ARHGEF10: variants seen among roughly 807,000 people sequenced by gnomAD.
ARHGEF10 encodes the protein Rho guanine nucleotide exchange factor 10, also known as Rho guanine nucleotide exchange factor (GEF) 10.
A neutral mutation model predicts 147.4 loss-of-function variants in ARHGEF10; 140 were observed. That is an observed-to-expected ratio of 0.95 (90% CI 0.83 to 1.09). ARHGEF10 has a LOEUF of 1.09. Ranked by LOEUF, ARHGEF10 falls within the 50% of genes least tolerant of loss-of-function variation. The pLI, the probability that ARHGEF10 is intolerant of heterozygous loss-of-function variation, is 0.00. For synonymous variants in ARHGEF10, 902 were observed against 695.8 expected (o/e 1.30, Z -4.67); for missense variants, 2,222 against 1,752.7 (o/e 1.27, Z -4.78).
At chr8:1,945,813 T>C in intron 27 of ARHGEF10, 158 bp downstream of exon 27, 1 of 1,143,372 alleles carries the variant, frequency 8.7e-7, no homozygotes, top group Non-Finnish European at 1.3e-6. Context: ...GGGACAGACG[T>C]GGGAGTACGG....
At chr8:1,855,558 C>CTT (rs545496176) in intron 2 of ARHGEF10, among the ~76,000 whole-genome samples, 2 of 144,908 alleles carry the variant, frequency 1.4e-5, no homozygotes, top group East Asian at 2.0e-4. Flanking sequence ...ATTTTTGTAC[C>CTT]TTTTTTTTTT....
intron 28 of ARHGEF10, among the ~76,000 whole-genome samples, chr8:1,953,970 C>T (rs544369717): frequency 6.6e-6 from 1 of 152,336 alleles, no homozygotes; most frequent in Non-Finnish European, 1.5e-5. Flanking sequence ...TTGGCAGGTC[C>T]ACCCACAAGG....
chr8:1,896,582 C>T, intron 14 of ARHGEF10, 133 bp downstream of exon 14: 1 of 740,260 alleles, frequency 1.4e-6, no homozygotes, highest in Non-Finnish European at 2.3e-6. Context: ...TGGATTAATG[C>T]TAGAAATGAA....
rs1321561645 is a variant in ARHGEF10 at position 1,945,614 on chromosome 8, A to G, written c.3356A>G (p.Gln1119Arg). 2 of 1,614,262 alleles carry G rather than the reference A, an allele frequency of 1.2e-6. No homozygotes were observed. The highest frequency in any genetic ancestry group is 1.7e-5 in the Admixed American group (1 of 60,034). The change falls in exon 27 of 29, where the codon CAG becomes CGG. Residue 1119 changes from glutamine (Q) to arginine (R), a missense_variant. Coordinates refer to ENST00000349830, the MANE Select transcript of ARHGEF10 (RefSeq NM_014629.4). Reference protein sequence around the residue: ...LFHTETLKHLQDINIATPVHN... With the variant: ...LFHTETLKHLRDINIATPVHN... Reference sequence around the variant, plus strand: ...CACACGGAAACTCTCAAGCACCTGCAGGACATCAACATCGCCACCCCTGTT... The same window carrying G: ...CACACGGAAACTCTCAAGCACCTGCGGGACATCAACATCGCCACCCCTGTT...
intron 2 of ARHGEF10, among the ~76,000 whole-genome samples, chr8:1,850,737 C>G (rs1452145843): frequency 6.6e-6 from 1 of 152,178 alleles, no homozygotes; most frequent in Non-Finnish European, 1.5e-5. Context: ...CCACTCAATA[C>G]CTGCCCATAT....
intron 26 of ARHGEF10, among the ~76,000 whole-genome samples, chr8:1,938,592 T>C (rs921857903): frequency 1.3e-5 from 2 of 152,184 alleles, no homozygotes; most frequent in Non-Finnish European, 2.9e-5. Context: ...GCGTTTTTTT[T>C]CTCATAGGAA....
At chr8:1,865,442 A>G (rs1357718554) in intron 5 of ARHGEF10, among the ~76,000 whole-genome samples, 2 of 149,936 alleles carry the variant, frequency 1.3e-5, no homozygotes, top group East Asian at 4.0e-4. Context: ...CCAGGGGGCC[A>G]TCACCAGGGC....
intron 26 of ARHGEF10, among the ~76,000 whole-genome samples, chr8:1,936,652 C>A (rs1296799041): frequency 6.6e-6 from 1 of 152,194 alleles, no homozygotes; most frequent in Non-Finnish European, 1.5e-5. Context: ...GAAATGTTAT[C>A]ATTAAGAGCT....
intron 18 of ARHGEF10, among the ~76,000 whole-genome samples, chr8:1,917,370 G>A (rs935035870): frequency 4.6e-5 from 7 of 152,296 alleles, no homozygotes; most frequent in African/African-American, 7.2e-5. Context: ...TGGCTCTGAC[G>A]TCTCGGTCTC....
intron 1 of ARHGEF10, among the ~76,000 whole-genome samples, chr8:1,840,211 A>G (rs1161441164): frequency 1.4e-4 from 10 of 72,748 alleles, no homozygotes; most frequent in South Asian, 5.8e-4. Context: ...GCTGTCCGAT[A>G]TGGGGACTGT....
chr8:1,903,733 A>G, intron 16 of ARHGEF10: 1 of 505,402 alleles, frequency 2.0e-6, no homozygotes, highest in South Asian at 2.2e-5. Context: ...GTTAAGAGCA[A>G]CTCCTTTAGC....
intron 1 of ARHGEF10, among the ~76,000 whole-genome samples, chr8:1,842,793 GGAA>G (rs1804195614): frequency 6.6e-6 from 1 of 152,234 alleles, no homozygotes; most frequent in African/African-American, 2.4e-5. Context: ...AAGCAGGGAG[GGAA>G]ACACGAAGTG....
At chr8:1,857,786 A>G (rs913590192) in intron 2 of ARHGEF10, among the ~76,000 whole-genome samples, 174 bp from the exon 3 acceptor site, 1 of 152,050 alleles carries the variant, frequency 6.6e-6, no homozygotes, top group Non-Finnish European at 1.5e-5. Context: ...CAGAATTCTA[A>G]TGATACTTAT....
At chr8:1,882,114 C>G (rs1430384511) in intron 9 of ARHGEF10, among the ~76,000 whole-genome samples, 3 of 152,168 alleles carry the variant, frequency 2.0e-5, no homozygotes, top group Non-Finnish European at 4.4e-5. Context: ...AGGTGTGTCC[C>G]GTGCGTGTCT....
chr8:1,955,356 T>TGGGTAGCTAGGTGCATCCTGAAAGGA (rs1815449766), intron 28 of ARHGEF10, among the ~76,000 whole-genome samples: 1 of 138,164 alleles, frequency 7.2e-6, no homozygotes, highest in African/African-American at 2.7e-5. Flanking sequence ...TTTCTCTGGA[T>TGGGTAGCTAGGTGCATCCTGAAAGGA]GGGTAGCTAG....
At chr8:1,895,905 C>T (rs568117981) in intron 13 of ARHGEF10, among the ~76,000 whole-genome samples, 5 of 152,296 alleles carry the variant, frequency 3.3e-5, no homozygotes, top group African/African-American at 1.2e-4. Context: ...CCCCCGCCCC[C>T]AGCCCCCATT....
At chr8:1,951,308 T>C (rs1420397677) in intron 27 of ARHGEF10, among the ~76,000 whole-genome samples, 1 of 152,234 alleles carries the variant, frequency 6.6e-6, no homozygotes, top group Non-Finnish European at 1.5e-5. Flanking sequence ...CTGCCGTGTT[T>C]CTCATTAGCT....
chr8:1,877,411 A>G (rs1163200920), intron 8 of ARHGEF10, among the ~76,000 whole-genome samples: 1 of 152,086 alleles, frequency 6.6e-6, no homozygotes, highest in Non-Finnish European at 1.5e-5. Flanking sequence ...TATTTTTATT[A>G]GAGATGGGGT....
rs1344347204 is a variant in ARHGEF10, at chr8:1,873,687, C to A, written c.680-2884C>A. Reference sequence around the variant, plus strand: ...GTAGTGCACCCGCATTTCCTCGTTTCATTGAGCGGTGCCCGCGGGGTAGTG... The same window carrying A: ...GTAGTGCACCCGCATTTCCTCGTTTAATTGAGCGGTGCCCGCGGGGTAGTG... On this transcript the variant is annotated intron_variant, in intron 7 of 28. Transcript: ENST00000349830. 3.6e-5 allele frequency among the ~76,000 whole-genome samples: 5 copies of A among 139,512 alleles called. No individual in the cohort carries two copies. The East Asian group carries it at 1.1e-3, about 31-fold the overall frequency. The allele number at this position is 139,512 out of a possible 152,430, so 91.5% of individuals were successfully genotyped here.
Sources: gnomAD v4.1 joint callset for allele counts (sites outside exome capture counted in the v4.1 genomes callset) on GRCh38, gnomAD v4.1.1 for gene constraint, MANE v1.5 for transcripts, NCBI Gene and HGNC (gene_info 2026-07-23, HGNC 2026-07-21) for gene names.